The following CHCHD6 variants were observed in gnomAD, a reference collection of about 807,000 sequenced individuals.
The protein encoded by CHCHD6 is coiled-coil-helix-coiled-coil-helix domain containing 6, also known as MICOS complex subunit MIC25.
In CHCHD6, 28 loss-of-function variants were observed where a neutral mutation model predicts 32.3. The observed-to-expected ratio is 0.87, with a 90% CI of 0.64 to 1.19. The LOEUF (loss-of-function observed/expected upper bound fraction) is 1.19, where lower values mean the gene tolerates loss of function less well. CHCHD6 is among the 50% of genes most tolerant of loss of function. CHCHD6 has a pLI of 0.00. For synonymous variants in CHCHD6, 122 were observed against 117.5 expected (o/e 1.04, Z -0.25); for missense variants, 333 against 307.0 (o/e 1.08, Z -0.63).
chr3:126,917,310 G>T (rs775094549), intron 6 of CHCHD6, among the ~76,000 whole-genome samples: 1 of 152,198 alleles, frequency 6.6e-6, no homozygotes, highest in Non-Finnish European at 1.5e-5. Flanking sequence ...CCTTTTGTCC[G>T]TGGTCACAGC....
At position 126,945,682 on chromosome 3, in the gene CHCHD6, C is replaced by T. The variant is rs539149086; in HGVS notation, c.567-11734C>T. ...CTCAAGCGGGGAGACTTGGGAGATT[C>T]GGGGGAAGACTCAAGCGGGGAGACT... On this transcript the variant is annotated intron_variant, in intron 6 of 7. Coordinates refer to ENST00000290913, the MANE Select transcript of CHCHD6 (RefSeq NM_032343.3). 1.0e-3 allele frequency among the ~76,000 whole-genome samples: 58 copies of T among 57,286 alleles called. No individual in the cohort carries two copies. The South Asian group carries it at 0.027, about 27-fold the overall frequency. 37.6% of individuals were successfully genotyped at this position (57,286 alleles called of 152,430 possible).
intron 4 of CHCHD6, among the ~76,000 whole-genome samples, chr3:126,828,161 G>A (rs186338702): frequency 1.3e-5 from 2 of 152,272 alleles, no homozygotes; most frequent in African/African-American, 4.8e-5. Flanking sequence ...TTTGAAGACT[G>A]TGTGTTTTCC....
At chr3:126,873,238 A>G (rs1040704746) in intron 5 of CHCHD6, among the ~76,000 whole-genome samples, 2 of 152,174 alleles carry the variant, frequency 1.3e-5, no homozygotes, top group African/African-American at 2.4e-5. Context: ...CCGCAGGCCT[A>G]TTTGCTCTTT....
intron 3 of CHCHD6, among the ~76,000 whole-genome samples, chr3:126,731,396 A>G (rs947994914): frequency 1.3e-5 from 2 of 152,240 alleles, no homozygotes; most frequent in Admixed American, 1.3e-4. Context: ...AGTGGAGCAC[A>G]GGGTGGCATC....
At chr3:126,867,605 G>A (rs1266073745) in intron 5 of CHCHD6, among the ~76,000 whole-genome samples, 2 of 152,158 alleles carry the variant, frequency 1.3e-5, no homozygotes, top group Non-Finnish European at 2.9e-5. Flanking sequence ...CAGCTCGTTT[G>A]ACCAGGAGAA....
At chr3:126,864,564 TCTC>T (rs1166267538) in intron 5 of CHCHD6, among the ~76,000 whole-genome samples, 1 of 67,922 alleles carries the variant, frequency 1.5e-5, no homozygotes, top group Non-Finnish European at 3.2e-5. Context: ...TCCTCCTCCT[TCTC>T]CACCACCTCC....
intron 3 of CHCHD6, among the ~76,000 whole-genome samples, chr3:126,732,341 T>C (rs1366652763): frequency 6.6e-6 from 1 of 152,196 alleles, no homozygotes; most frequent in East Asian, 1.9e-4. Flanking sequence ...GATAATTTCA[T>C]ATCTTGCTAT....
chr3:126,750,717 C>T (rs1055970924), intron 4 of CHCHD6, among the ~76,000 whole-genome samples: 3 of 152,244 alleles, frequency 2.0e-5, no homozygotes, highest in Admixed American at 1.3e-4. Context: ...ACCCACCTAG[C>T]TTTAATGCTA....
Position 126,773,745 on chromosome 3 carries a change from A to G in CHCHD6, c.411+40523A>G, listed in dbSNP as rs576897875. Among the ~76,000 whole-genome samples the G allele has an allele frequency of 2.6e-5, 4 of 151,682 alleles. No homozygotes were observed. The South Asian group carries it at 8.3e-4, about 32-fold the overall frequency. On this transcript the variant is annotated intron_variant, in intron 4 of 7. Transcript: ENST00000290913. Reference sequence around the variant, plus strand: ...CTCATCCTTCCAAGTAGCTGGGATTACAGGCACACACTGTCATGCCCAGCT... The same window carrying G: ...CTCATCCTTCCAAGTAGCTGGGATTGCAGGCACACACTGTCATGCCCAGCT...
chr3:126,947,042 C>T (rs565444147), intron 6 of CHCHD6, among the ~76,000 whole-genome samples: 5 of 152,364 alleles, frequency 3.3e-5, no homozygotes, highest in East Asian at 1.9e-4. Flanking sequence ...AGGCGCTGGG[C>T]GCGCTCCACA....
In CHCHD6 at chr3:126,881,858, G is replaced by C. The variant is rs1022756569; in HGVS notation, c.495+29128G>C. ...CTGCGGGAGGGCATCTGAAGGTGGG[G>C]TCTCCAGGCTGCCCTGGCAGGTGGC... On this transcript the variant is annotated intron_variant, in intron 5 of 7. Transcript: ENST00000290913. Among the ~76,000 whole-genome samples the C allele has an allele frequency of 3.9e-5, 6 of 152,232 alleles. No homozygotes were observed. In the South Asian group the frequency reaches 6.2e-4, roughly 16 times the overall value.
At position 126,864,395 on chromosome 3, in the gene CHCHD6, ACCT is replaced by A. The variant is rs761302657; in HGVS notation, c.495+11682_495+11684del. ...CCTCCACCATCACTACTACACCACC[ACCT>A]CCTCCTCCTCCTCCTCTTCCTGCTC... is the stretch of plus-strand genomic sequence containing the variant. On this transcript the variant is annotated intron_variant, in intron 5 of 7. Coordinates refer to ENST00000290913, the MANE Select transcript of CHCHD6 (RefSeq NM_032343.3). 1.5e-3 allele frequency among the ~76,000 whole-genome samples: 156 copies of A among 101,666 alleles called. 1 individual carries two copies. In the East Asian group the frequency reaches 0.021, roughly 14 times the overall value. The allele number at this position is 101,666 out of a possible 152,430, so 66.7% of individuals were successfully genotyped here.
chr3:126,899,670 G>C (rs1320233645), intron 5 of CHCHD6, among the ~76,000 whole-genome samples: 3 of 152,178 alleles, frequency 2.0e-5, no homozygotes, highest in African/African-American at 4.8e-5. Context: ...AGAGAGCACA[G>C]CTCTTTTTTT....
At chr3:126,725,136 C>G (rs563138708) in intron 1 of CHCHD6, among the ~76,000 whole-genome samples, 33 of 152,284 alleles carry the variant, frequency 2.2e-4, no homozygotes, top group African/African-American at 7.5e-4. Context: ...TTACTTTTCC[C>G]AGGTCCATCA....
intron 5 of CHCHD6, among the ~76,000 whole-genome samples, chr3:126,881,851 A>G (rs776162691): frequency 2.0e-5 from 3 of 152,208 alleles, no homozygotes; most frequent in Admixed American, 6.5e-5. Context: ...GGGCATCTGA[A>G]GGTGGGGTCT....
chr3:126,798,549 G>A (rs1355037583), intron 4 of CHCHD6, among the ~76,000 whole-genome samples: 2 of 152,038 alleles, frequency 1.3e-5, no homozygotes, highest in South Asian at 4.2e-4. Flanking sequence ...GTCATGATGC[G>A]AGCATCCTCT....
chr3:126,776,728 C>A (rs900516451), intron 4 of CHCHD6, among the ~76,000 whole-genome samples: 2 of 152,122 alleles, frequency 1.3e-5, no homozygotes, highest in African/African-American at 4.8e-5. Context: ...GAATTTTTTT[C>A]TTATAACATC....
rs142199134 is a variant in CHCHD6, at chr3:126,849,555, G to C, written c.412-3092G>C. ...CTATTCAAAGACTGTCATCTGCTAA[G>C]TACATGTTCATAATGATGACATTTT... On this transcript the variant is annotated intron_variant, in intron 4 of 7. Coordinates refer to ENST00000290913, the MANE Select transcript of CHCHD6 (RefSeq NM_032343.3). Among the ~76,000 whole-genome samples, 266 of 152,248 alleles carry C rather than the reference G, an allele frequency of 1.7e-3. 1 individual carries two copies. The highest frequency in any genetic ancestry group is 6.1e-3 in the African/African-American group (254 of 41,530).
chr3:126,759,606 T>C (rs1431365662), intron 4 of CHCHD6, among the ~76,000 whole-genome samples: 3 of 152,204 alleles, frequency 2.0e-5, no homozygotes, highest in Non-Finnish European at 4.4e-5. Flanking sequence ...ATTTTTCTGA[T>C]CTTTTCCTCA....
Sources: allele counts gnomAD v4.1 joint callset (sites outside exome capture counted in the v4.1 genomes callset), GRCh38; gene constraint gnomAD v4.1.1; transcripts MANE v1.5; gene names NCBI Gene and HGNC (gene_info 2026-07-23, HGNC 2026-07-21).